CCDC88C: variants seen among roughly 807,000 people sequenced by gnomAD.
CCDC88C encodes coiled-coil and HOOK domain protein 88C.
In CCDC88C, 131 loss-of-function variants were observed where a neutral mutation model predicts 198.8. The ratio of observed to expected loss-of-function variants is 0.66; its 90% CI spans 0.57 to 0.76. CCDC88C has a LOEUF of 0.76. Among genes scored for constraint, CCDC88C ranks in the 30% least tolerant of loss-of-function variants. The probability of loss-of-function intolerance (pLI) is 0.00; values close to 1 mark genes in which losing one functional copy is unlikely to be tolerated. For missense variants in CCDC88C, 2,553 were observed against 2,631.6 expected (o/e 0.97, Z 0.65); for synonymous variants, 1,166 against 1,114.7 (o/e 1.05, Z -0.92).
At chr14:91,318,162 G>A (rs923329262) in intron 13 of CCDC88C, among the ~76,000 whole-genome samples, 4 of 152,184 alleles carry the variant, frequency 2.6e-5, no homozygotes, top group African/African-American at 4.8e-5. Flanking sequence ...GCTCACACCT[G>A]TGCTCCTAGC....
chr14:91,315,667 C>T lies in CCDC88C; in HGVS notation c.1648G>A (p.Ala550Thr). 1.9e-6 allele frequency: 3 copies of T among 1,613,884 alleles called. No individual in the cohort carries two copies. The highest frequency in any genetic ancestry group is 2.5e-6 in the Non-Finnish European group (3 of 1,179,884). The stretch of plus-strand genomic sequence containing the variant: ...GCACCTACCTGCCTGGCTTTGTCAG[C>T]CTTCAGGGTCTCCATGTCACTCTGC... ...QLQSDMETLK[A>T]DKARQIKDLE... Residue 550 changes from alanine (A) to threonine (T), a missense_variant, in exon 14 of 30, where the codon GCT becomes ACT. Coordinates refer to ENST00000389857, the MANE Select transcript of CCDC88C (RefSeq NM_001080414.4).
intron 2 of CCDC88C, among the ~76,000 whole-genome samples, chr14:91,414,518 A>G (rs1452026622): frequency 1.3e-5 from 2 of 152,198 alleles, no homozygotes; most frequent in African/African-American, 4.8e-5. Context: ...TCTGCAGGAC[A>G]TTTCAACTAC....
chr14:91,403,716 G>C (rs1401156934), intron 3 of CCDC88C, among the ~76,000 whole-genome samples: 2 of 152,238 alleles, frequency 1.3e-5, no homozygotes, highest in Non-Finnish European at 2.9e-5. Context: ...GACTGCTTGA[G>C]CTCCCAAGTT....
At chr14:91,275,727 G>A (rs1371445013) in intron 29 of CCDC88C, among the ~76,000 whole-genome samples, 2 of 151,368 alleles carry the variant, frequency 1.3e-5, no homozygotes, top group African/African-American at 2.4e-5. Context: ...GGCTGGTCTC[G>A]AACGCCTGAC....
chr14:91,405,535 T>C (rs1302381189), intron 3 of CCDC88C, among the ~76,000 whole-genome samples: 2 of 152,150 alleles, frequency 1.3e-5, no homozygotes, highest in Admixed American at 6.5e-5. Flanking sequence ...TGTGCTATAA[T>C]GTTAGGTGGG....
At chr14:91,367,474 C>T (rs765791090) in intron 3 of CCDC88C, among the ~76,000 whole-genome samples, 1 of 152,232 alleles carries the variant, frequency 6.6e-6, no homozygotes, top group South Asian at 2.1e-4. Flanking sequence ...TAGACACCGT[C>T]TTCCCTGGTG....
chr14:91,281,238 C>T (rs570766944), intron 27 of CCDC88C: 13 of 1,234,956 alleles, frequency 1.1e-5, no homozygotes, highest in African/African-American at 3.0e-5. Flanking sequence ...GCTTCCAGAA[C>T]TGTGATGCTT....
intron 3 of CCDC88C, among the ~76,000 whole-genome samples, chr14:91,362,643 C>T (rs188228228): frequency 3.9e-5 from 6 of 152,196 alleles, no homozygotes; most frequent in Admixed American, 2.0e-4. Context: ...TAAGAAATAA[C>T]GTTTTGCCGG....
intron 3 of CCDC88C, among the ~76,000 whole-genome samples, chr14:91,365,495 T>C (rs1894493013): frequency 6.6e-6 from 1 of 152,226 alleles, no homozygotes; most frequent in Admixed American, 6.5e-5. Flanking sequence ...GGCCGCCTCA[T>C]TCCTTTTCAG....
chr14:91,355,355 G>A (rs1330132291), intron 4 of CCDC88C, among the ~76,000 whole-genome samples: 5 of 152,174 alleles, frequency 3.3e-5, no homozygotes, highest in Non-Finnish European at 7.4e-5. Flanking sequence ...CCTGCACACC[G>A]CCTCACTATG....
rs769952346 is a variant in CCDC88C, at chr14:91,371,202, C to T, written c.271-11491G>A. On this transcript the variant is annotated intron_variant, in intron 3 of 29. Coordinates refer to ENST00000389857, the MANE Select transcript of CCDC88C (RefSeq NM_001080414.4). The surrounding 1 kb of genome is among the most constrained non-coding windows in gnomAD (Gnocchi z 4.2). ...GATATAAGGGCCCTGATTTTATGGC[C>T]GTGAGGGATCGTATGACTGTGACTT... Among the ~76,000 whole-genome samples the T allele has an allele frequency of 6.6e-6, 1 of 151,894 alleles. No homozygotes were observed. The highest frequency in any genetic ancestry group is 1.5e-5 in the Non-Finnish European group (1 of 67,996).
chr14:91,300,505 A>G (rs75446995), intron 20 of CCDC88C, among the ~76,000 whole-genome samples: 2,268 of 152,270 alleles, frequency 0.015, 33 homozygotes, highest in Middle Eastern at 0.024. Flanking sequence ...CATCACAGCT[A>G]ATCTCACCCT....
chr14:91,360,443 T>C (rs1457976795), intron 3 of CCDC88C, among the ~76,000 whole-genome samples: 1 of 151,758 alleles, frequency 6.6e-6, no homozygotes, highest in East Asian at 1.9e-4. Flanking sequence ...AGATCCTGTC[T>C]CCAAAAAAGA....
At chr14:91,359,945 A>ATTT (rs1894231356) in intron 3 of CCDC88C, among the ~76,000 whole-genome samples, 1 of 152,156 alleles carries the variant, frequency 6.6e-6, no homozygotes, top group African/African-American at 2.4e-5. Flanking sequence ...CCTACAAGAG[A>ATTT]TTTAATGGGG....
intron 3 of CCDC88C, among the ~76,000 whole-genome samples, chr14:91,375,878 C>T (rs1330290880): frequency 6.6e-6 from 1 of 152,212 alleles, no homozygotes; most frequent in East Asian, 1.9e-4. Context: ...TTCAATGGGG[C>T]AGGTGCCGTA....
intron 4 of CCDC88C, among the ~76,000 whole-genome samples, chr14:91,348,093 C>A (rs570227498): frequency 1.1e-3 from 167 of 152,214 alleles, no homozygotes; most frequent in African/African-American, 4.0e-3. Flanking sequence ...GCAACCTCTG[C>A]CTCCTGGGTT....
rs932088217 is a variant in CCDC88C at position 91,338,908 on chromosome 14, C to G, written c.810-338G>C. The stretch of plus-strand genomic sequence containing the variant: ...ATCAGCTGCAGGAAACCTGGGAGAA[C>G]AGGCTCACCAGATTGGAGGGAAGGA... On this transcript the variant is annotated intron_variant, in intron 8 of 29. Coordinates refer to ENST00000389857, the MANE Select transcript of CCDC88C (RefSeq NM_001080414.4). The surrounding 1 kb of genome is among the most constrained non-coding windows in gnomAD (Gnocchi z 4.8). The G allele has an allele frequency of 2.1e-6, 1 of 473,356 alleles. No homozygotes were observed. Among genetic ancestry groups the G allele is most frequent in the Admixed American group, 3.3e-5 (1 of 29,926 alleles). The allele number at this position is 473,356 out of a possible 1,614,324, so 29.3% of individuals were successfully genotyped here.
chr14:91,337,203 C>A (rs1471814106), intron 10 of CCDC88C, among the ~76,000 whole-genome samples: 1 of 152,070 alleles, frequency 6.6e-6, no homozygotes, highest in Non-Finnish European at 1.5e-5. Flanking sequence ...TAGCCTTGAC[C>A]CTTTCACCTA....
intron 3 of CCDC88C, among the ~76,000 whole-genome samples, chr14:91,382,398 AAACATGAG>A (rs755507974): frequency 7.6e-4 from 115 of 152,316 alleles, no homozygotes; most frequent in Admixed American, 1.2e-3. Flanking sequence ...AGATTATGCA[AAACATGAG>A]AACACAATCT....
Sources: allele counts gnomAD v4.1 joint callset (sites outside exome capture counted in the v4.1 genomes callset), GRCh38; gene constraint gnomAD v4.1.1; non-coding constraint Gnocchi (gnomAD v3.1); transcripts MANE v1.5; gene names NCBI Gene and HGNC (gene_info 2026-07-23, HGNC 2026-07-21).